The following GRM7 variants were observed in gnomAD, a reference collection of about 807,000 sequenced individuals.
The protein encoded by GRM7 is glutamate metabotropic receptor 7, also known as metabotropic glutamate receptor 7.
Under a neutral mutation model 84.5 loss-of-function variants are expected in GRM7, and 35 were observed. The ratio of observed to expected loss-of-function variants is 0.41; its 90% CI spans 0.32 to 0.55. GRM7 has a LOEUF of 0.55. Ranked by LOEUF, GRM7 falls within the 20% of genes least tolerant of loss-of-function variation. The pLI, the probability that GRM7 is intolerant of heterozygous loss-of-function variation, is 0.19. For synonymous variants in GRM7, 487 were observed against 455.1 expected, an observed-to-expected ratio of 1.07 and a Z score of -0.89; for missense variants, 1,003 against 1,194.6, an observed-to-expected ratio of 0.84 and a Z score of 2.36.
chr3:7,640,058 AT>A (rs1236980033), intron 8 of GRM7, among the ~76,000 whole-genome samples: 5 of 152,152 alleles, frequency 3.3e-5, no homozygotes, highest in Non-Finnish European at 7.3e-5. Flanking sequence ...TTGTTTCCAC[AT>A]TTTATAAGAC....
intron 8 of GRM7, among the ~76,000 whole-genome samples, chr3:7,620,389 A>G (rs1416934964): frequency 6.6e-6 from 1 of 152,128 alleles, no homozygotes; most frequent in East Asian, 1.9e-4. Context: ...TATGTTGGGG[A>G]CAGAGAGTTA....
intron 7 of GRM7, among the ~76,000 whole-genome samples, chr3:7,558,894 T>C (rs1693886508): frequency 6.6e-6 from 1 of 152,128 alleles, no homozygotes; most frequent in African/African-American, 2.4e-5. Flanking sequence ...AAGAATTGTG[T>C]TCAAATATGG....
intron 1 of GRM7, among the ~76,000 whole-genome samples, chr3:7,054,384 GATAT>G (rs1292086370): frequency 1.3e-5 from 2 of 149,184 alleles, no homozygotes; most frequent in Non-Finnish European, 1.5e-5. Flanking sequence ...TATCTTTTAT[GATAT>G]ATATATCATA....
chr3:7,060,728 T>G (rs1447674431), intron 1 of GRM7, among the ~76,000 whole-genome samples: 1 of 141,070 alleles, frequency 7.1e-6, no homozygotes, highest in Non-Finnish European at 1.5e-5. Context: ...GCATGTTTCT[T>G]TAACGCCTAG....
intron 1 of GRM7, among the ~76,000 whole-genome samples, chr3:6,944,165 CT>C (rs1205507708): frequency 1.3e-5 from 2 of 151,910 alleles, no homozygotes; most frequent in Non-Finnish European, 2.9e-5. Context: ...GCATGGTTTT[CT>C]TTTTTCTTTT....
At chr3:7,195,805 A>G (rs1473196933) in intron 2 of GRM7, among the ~76,000 whole-genome samples, 1 of 152,166 alleles carries the variant, frequency 6.6e-6, no homozygotes, top group Non-Finnish European at 1.5e-5. Flanking sequence ...AGAACTAAAT[A>G]CATAATAATT....
intron 8 of GRM7, among the ~76,000 whole-genome samples, chr3:7,673,317 C>G (rs73810884): frequency 2.0e-5 from 3 of 152,160 alleles, no homozygotes; most frequent in Non-Finnish European, 4.4e-5. Context: ...CTTCAAGTGT[C>G]GAACTTTCTG....
intron 1 of GRM7, among the ~76,000 whole-genome samples, chr3:6,974,834 T>C (rs1056794181): frequency 6.6e-6 from 1 of 152,152 alleles, no homozygotes; most frequent in Non-Finnish European, 1.5e-5. Flanking sequence ...GGGAGTTGTG[T>C]AGAAAAATTA....
chr3:6,868,904 T>G (rs79259433), intron 1 of GRM7, among the ~76,000 whole-genome samples: 1 of 152,146 alleles, frequency 6.6e-6, no homozygotes, highest in Non-Finnish European at 1.5e-5. Context: ...TCTCCATCTT[T>G]GGGTGTTGTG....
At chr3:7,099,828 C>T (rs9809780) in intron 1 of GRM7, among the ~76,000 whole-genome samples, 731 of 23,370 alleles carry the variant, frequency 0.031, 15 homozygotes, top group African/African-American at 0.13. Context: ...TGTGCACATA[C>T]ATGTATATGT....
intron 7 of GRM7, among the ~76,000 whole-genome samples, chr3:7,479,849 C>G (rs1575398667): frequency 6.6e-6 from 1 of 152,204 alleles, no homozygotes; most frequent in East Asian, 1.9e-4. Flanking sequence ...GACTCTCCAT[C>G]TGTAACAGAA....
intron 5 of GRM7, among the ~76,000 whole-genome samples, chr3:7,435,164 C>T (rs1575330833): frequency 7.0e-6 from 1 of 142,616 alleles, no homozygotes; most frequent in Non-Finnish European, 1.5e-5. Context: ...TCTATATTTT[C>T]TTTTTTTTTT....
chr3:7,592,238 A>C (rs1183985658), intron 8 of GRM7, among the ~76,000 whole-genome samples: 1 of 152,148 alleles, frequency 6.6e-6, no homozygotes, highest in Non-Finnish European at 1.5e-5. Context: ...TATAAGGAGA[A>C]TATCAGACTG....
At chr3:7,161,438 A>C (rs1379786200) in intron 2 of GRM7, among the ~76,000 whole-genome samples, 1 of 143,230 alleles carries the variant, frequency 7.0e-6, no homozygotes, top group Non-Finnish European at 1.5e-5. Context: ...AAAAAAAAAA[A>C]GAGAAATGTG....
At chr3:7,092,451 T>C (rs958919817) in intron 1 of GRM7, among the ~76,000 whole-genome samples, 29 of 152,318 alleles carry the variant, frequency 1.9e-4, no homozygotes, top group Non-Finnish European at 3.7e-4. Context: ...TACCTCAGTT[T>C]GCTTTTCTAC....
At chr3:6,925,956 C>A (rs1697283776) in intron 1 of GRM7, among the ~76,000 whole-genome samples, 1 of 152,052 alleles carries the variant, frequency 6.6e-6, no homozygotes, top group Non-Finnish European at 1.5e-5. Context: ...TTTTGTTTAT[C>A]CCTGTTTTCA....
chr3:7,451,394 G>A (rs780499803), intron 5 of GRM7, among the ~76,000 whole-genome samples: 1 of 152,152 alleles, frequency 6.6e-6, no homozygotes, highest in Non-Finnish European at 1.5e-5. Context: ...GTTGAATTGC[G>A]ACTGAGCGCC....
chr3:7,298,860 G>A, intron 3 of GRM7, 35 bp downstream of exon 3: 1 of 1,578,898 alleles, frequency 6.3e-7, no homozygotes, highest in Non-Finnish European at 8.7e-7. Flanking sequence ...TAATATGCAT[G>A]TTGCAATTTT....
intron 5 of GRM7, 122 bp from the exon 6 acceptor site, chr3:7,452,485 T>A: frequency 1.4e-6 from 1 of 710,692 alleles, no homozygotes; most frequent in Non-Finnish European, 2.5e-6. Context: ...TTACTGTATT[T>A]ATCGAAGCAG....
Sources: gnomAD v4.1 joint callset for allele counts (sites outside exome capture counted in the v4.1 genomes callset) on GRCh38, gnomAD v4.1.1 for gene constraint, MANE v1.5 for transcripts, NCBI Gene and HGNC (gene_info 2026-07-23, HGNC 2026-07-21) for gene names.